The following MCM9 variants were observed in gnomAD, a reference collection of about 807,000 sequenced individuals.
The protein encoded by MCM9 is DNA helicase MCM9.
Under a neutral mutation model 72.8 loss-of-function variants are expected in MCM9, and 55 were observed. The ratio of observed to expected loss-of-function variants is 0.76; its 90% CI spans 0.61 to 0.95. The LOEUF is 0.95. Among genes scored for constraint, MCM9 ranks in the 40% least tolerant of loss-of-function variants. The pLI is 0.00. For missense variants in MCM9, 1,279 were observed against 1,377.0 expected (o/e 0.93, Z 1.13); for synonymous variants, 480 against 503.4 (o/e 0.95, Z 0.62).
chr6:118,828,997 G>A, intron 10 of MCM9, 51 bp downstream of exon 10: 2 of 1,506,096 alleles, frequency 1.3e-6, no homozygotes, highest in Non-Finnish European at 1.8e-6. Flanking sequence ...ATTTCTTTTA[G>A]TTACAGCTAA....
intron 8 of MCM9, among the ~76,000 whole-genome samples, chr6:118,871,238 C>G (rs1777576989): frequency 6.6e-6 from 1 of 152,124 alleles, no homozygotes; most frequent in African/African-American, 2.4e-5. Flanking sequence ...TTAAAAGAAT[C>G]ACTCACCATA....
chr6:118,852,000 C>T (rs1776255572), intron 9 of MCM9, among the ~76,000 whole-genome samples: 2 of 152,182 alleles, frequency 1.3e-5, no homozygotes, highest in African/African-American at 2.4e-5. Flanking sequence ...GCGATCTGTT[C>T]TGTTGCAAGC....
At chr6:118,926,026 C>T (rs2114404520) in intron 3 of MCM9, among the ~76,000 whole-genome samples, 1 of 152,286 alleles carries the variant, frequency 6.6e-6, no homozygotes, top group Non-Finnish European at 1.5e-5. Context: ...ACCATCACCA[C>T]TAATTCCAGA....
intron 9 of MCM9, among the ~76,000 whole-genome samples, chr6:118,841,760 G>A (rs557905309): frequency 2.6e-5 from 4 of 152,080 alleles, no homozygotes; most frequent in East Asian, 1.9e-4. Context: ...TAAGGTGCCA[G>A]CAGCTAGCAG....
intron 8 of MCM9, among the ~76,000 whole-genome samples, chr6:118,868,325 T>A (rs181347863): frequency 6.6e-6 from 1 of 152,152 alleles, no homozygotes; most frequent in African/African-American, 2.4e-5. Context: ...ACTTTGTGTA[T>A]GTGATAAAAA....
At chr6:118,829,001 C>T in intron 10 of MCM9, 47 bp downstream of exon 10, 1 of 1,515,478 alleles carries the variant, frequency 6.6e-7, no homozygotes, top group Non-Finnish European at 9.0e-7. Context: ...CTTTTAGTTA[C>T]AGCTAATCTC....
chr6:118,826,489 A>C (rs1205013266), intron 12 of MCM9, among the ~76,000 whole-genome samples, 197 bp from the exon 13 acceptor site: 1 of 152,222 alleles, frequency 6.6e-6, no homozygotes, highest in East Asian at 1.9e-4. Context: ...TGCTCTAGGA[A>C]GCTATACTGT....
chr6:118,893,942 C>CCCGCCGCGGCCACGCCCCCT (rs1779140691), intron 8 of MCM9: 25 of 910,036 alleles, frequency 2.7e-5, no homozygotes, highest in East Asian at 1.2e-4. Flanking sequence ...GCCACGCCTC[C>CCCGCCGCGGCCACGCCCCCT]CCGCCGCGGC....
At chr6:118,884,563 T>C (rs918147354) in intron 8 of MCM9, among the ~76,000 whole-genome samples, 1 of 151,636 alleles carries the variant, frequency 6.6e-6, no homozygotes, top group African/African-American at 2.4e-5. Flanking sequence ...AAATGGCAGA[T>C]AGGAATGCAA....
chr6:118,886,475 G>A (rs957505231), intron 8 of MCM9, among the ~76,000 whole-genome samples: 4 of 151,158 alleles, frequency 2.6e-5, no homozygotes, highest in Admixed American at 2.6e-4. Context: ...AAATCCACTA[G>A]AAATTTATTG....
intron 9 of MCM9, among the ~76,000 whole-genome samples, chr6:118,833,220 C>G (rs933889684): frequency 6.6e-6 from 1 of 152,070 alleles, no homozygotes; most frequent in African/African-American, 2.4e-5. Flanking sequence ...GCATTGCAGG[C>G]ACGTGGTGAG....
chr6:118,928,338 G>C (rs550072620), intron 3 of MCM9, among the ~76,000 whole-genome samples: 2 of 151,954 alleles, frequency 1.3e-5, no homozygotes, highest in Admixed American at 1.3e-4. Context: ...TTGAACCTGG[G>C]AGGCAGAGGT....
chr6:118,887,927 C>T (rs1778697983), intron 8 of MCM9, among the ~76,000 whole-genome samples: 1 of 151,912 alleles, frequency 6.6e-6, no homozygotes, highest in Non-Finnish European at 1.5e-5. Flanking sequence ...AGTGAGACTC[C>T]GTCTGTATTT....
rs145616682 is a variant in MCM9 at position 118,814,579 on chromosome 6, G to T, written c.*245C>A. On this transcript the variant is annotated 3_prime_UTR_variant, in exon 14 of 14. Coordinates refer to ENST00000619706, the MANE Select transcript of MCM9 (RefSeq NM_017696.3). The stretch of plus-strand genomic sequence containing the variant: ...GAACAGGAATACAAGTACTCCATTT[G>T]TAAAATTAAGCACAACATAATTAAT... The T allele has an allele frequency of 1.8e-3, 614 of 344,304 alleles. 3 individuals carry two copies. Among genetic ancestry groups the T allele is most frequent in the African/African-American group, 0.011 (509 of 47,592 alleles). The allele number at this position is 344,304 out of a possible 1,614,324, so 21.3% of individuals were successfully genotyped here.
chr6:118,918,671 G>A (rs1043895154), intron 5 of MCM9: 6 of 152,130 alleles, frequency 3.9e-5, no homozygotes, highest in Non-Finnish European at 7.4e-5. Flanking sequence ...TAATCTTGTT[G>A]AACACAGGGT....
In MCM9 at chr6:118,815,953, G is replaced by A. The variant is rs902198294; in HGVS notation, c.2303C>T (p.Ser768Phe). The A allele has an allele frequency of 2.6e-6, 4 of 1,550,248 alleles. No individual in the cohort carries two copies. The African/African-American group carries it at 5.5e-5, about 21-fold the overall frequency. ...TVVVSPHPKTSGENMASKISN... is the reference protein window; with the variant it reads ...TVVVSPHPKTFGENMASKISN... ...GATCTTCGAAGCCATATTTTCTCCAGATGTTTTGGGATGAGGAGACACAAC... is the reference window on the plus strand; with the variant it reads ...GATCTTCGAAGCCATATTTTCTCCAAATGTTTTGGGATGAGGAGACACAAC... The change falls in exon 14 of 14, where the codon TCT becomes TTT. Residue 768 changes from serine (S) to phenylalanine (F), a missense_variant. By Grantham distance (155) the Ser-to-Phe change is radical. Coordinates refer to ENST00000619706, the MANE Select transcript of MCM9 (RefSeq NM_017696.3).
At chr6:118,825,278 A>T (rs1447564151) in intron 13 of MCM9, among the ~76,000 whole-genome samples, 1 of 152,228 alleles carries the variant, frequency 6.6e-6, no homozygotes, top group East Asian at 1.9e-4. Flanking sequence ...CGAATTTTAT[A>T]CAAAGTGCAA....
intron 8 of MCM9, among the ~76,000 whole-genome samples, chr6:118,898,615 A>C (rs1042735116): frequency 6.6e-6 from 1 of 152,042 alleles, no homozygotes; most frequent in Admixed American, 6.6e-5. Flanking sequence ...ATGGGGTTTC[A>C]CCATGTTTGC....
intron 8 of MCM9, among the ~76,000 whole-genome samples, chr6:118,909,616 A>G (rs1780395329): frequency 6.6e-6 from 1 of 152,184 alleles, no homozygotes; most frequent in Non-Finnish European, 1.5e-5. Flanking sequence ...TGCCACTAAG[A>G]TGGAGGCATT....
Sources: allele counts gnomAD v4.1 joint callset (sites outside exome capture counted in the v4.1 genomes callset), GRCh38; gene constraint gnomAD v4.1.1; transcripts MANE v1.5; gene names NCBI Gene and HGNC (gene_info 2026-07-23, HGNC 2026-07-21).